PRTFDC1: variants seen among roughly 807,000 people sequenced by gnomAD.
The protein encoded by PRTFDC1 is phosphoribosyl transferase domain containing 1, also known as phosphoribosyltransferase domain-containing protein 1.
A neutral mutation model predicts 34.6 loss-of-function variants in PRTFDC1; 38 were observed. That is an observed-to-expected ratio of 1.10 (90% CI 0.85 to 1.44). The LOEUF is 1.44. Among genes scored for constraint, PRTFDC1 ranks in the 40% most tolerant of loss-of-function variants. The pLI is 0.00. For synonymous variants in PRTFDC1, 93 were observed against 98.1 expected (o/e 0.95, Z 0.31); for missense variants, 270 against 283.0 (o/e 0.95, Z 0.33).
intron 3 of PRTFDC1, among the ~76,000 whole-genome samples, chr10:24,936,013 T>A (rs919674343): frequency 2.6e-5 from 4 of 152,182 alleles, no homozygotes; most frequent in African/African-American, 9.7e-5. Flanking sequence ...ATTTCTGACC[T>A]ACAGAAACTT....
chr10:24,937,054 A>G (rs1564318615), intron 3 of PRTFDC1, 130 bp downstream of exon 3: 1 of 889,354 alleles, frequency 1.1e-6, no homozygotes, highest in Non-Finnish European at 1.7e-6. Context: ...ATTCTTGCAA[A>G]TTAAAATTAC....
At chr10:24,945,371 T>G (rs948681145) in intron 1 of PRTFDC1, among the ~76,000 whole-genome samples, 4 of 152,238 alleles carry the variant, frequency 2.6e-5, no homozygotes, top group African/African-American at 9.6e-5. Flanking sequence ...TGTCTCCTTG[T>G]GATAAAGAGC....
intron 3 of PRTFDC1, among the ~76,000 whole-genome samples, chr10:24,929,088 A>T (rs1848932995): frequency 6.7e-6 from 1 of 149,074 alleles, no homozygotes; most frequent in African/African-American, 2.5e-5. Flanking sequence ...GAGGCTTTCA[A>T]TTCCAGGCAC....
chr10:24,913,356 T>C (rs1245843916), intron 3 of PRTFDC1, among the ~76,000 whole-genome samples: 2 of 152,222 alleles, frequency 1.3e-5, no homozygotes, highest in Non-Finnish European at 2.9e-5. Flanking sequence ...TTTGGGTAAC[T>C]GCATCTGTAT....
At chr10:24,885,710 C>T (rs11817941) in intron 3 of PRTFDC1, among the ~76,000 whole-genome samples, 1,934 of 152,270 alleles carry the variant, frequency 0.013, 46 homozygotes, top group African/African-American at 0.044. Flanking sequence ...TGGCCAGCAG[C>T]TTTATTTGTA....
At chr10:24,874,298 A>G (rs933374908) in intron 3 of PRTFDC1, among the ~76,000 whole-genome samples, 1 of 152,162 alleles carries the variant, frequency 6.6e-6, no homozygotes, top group Non-Finnish European at 1.5e-5. Context: ...TTGTTCATAT[A>G]TCACCAGATA....
At chr10:24,903,369 T>C (rs1289039234) in intron 3 of PRTFDC1, among the ~76,000 whole-genome samples, 1 of 152,240 alleles carries the variant, frequency 6.6e-6, no homozygotes, top group Non-Finnish European at 1.5e-5. Context: ...TGTTAACTGG[T>C]AATGATTATA....
chr10:24,877,614 A>G (rs2132520052), intron 3 of PRTFDC1, among the ~76,000 whole-genome samples: 1 of 152,222 alleles, frequency 6.6e-6, no homozygotes, highest in Non-Finnish European at 1.5e-5. Context: ...AGAGCTCAGA[A>G]ATAGTTTCAT....
chr10:24,907,743 A>G (rs1443273567), intron 3 of PRTFDC1, among the ~76,000 whole-genome samples: 1 of 152,250 alleles, frequency 6.6e-6, no homozygotes, highest in African/African-American at 2.4e-5. Context: ...CTTCACTAAC[A>G]CTATTAAAGA....
Position 24,871,995 on chromosome 10 carries a change from A to C in PRTFDC1, c.405+3T>G. On this transcript the variant is annotated splice_donor_region_variant and intron_variant, in intron 4 of 8. Coordinates refer to ENST00000320152, the MANE Select transcript of PRTFDC1 (RefSeq NM_020200.7). ...CGGTCTGAGCACAGTTACATGAACA[A>C]ACCTTTCCAGCCAGCGTTGAAAGAT... The C allele has an allele frequency of 6.2e-7, 1 of 1,608,264 alleles. No individual in the cohort carries two copies. Among genetic ancestry groups the C allele is most frequent in the Admixed American group, 1.7e-5 (1 of 60,002 alleles).
chr10:24,872,022 A>G lies in PRTFDC1; in HGVS notation c.381T>C (p.Asp127=). 1 of 1,612,154 alleles carries G rather than the reference A, an allele frequency of 6.2e-7. No individual in the cohort carries two copies. The highest frequency in any genetic ancestry group is 8.5e-7 in the Non-Finnish European group (1 of 1,178,370). ...SMGEMQIIGG[D]DLSTLAGKNV... is the part of the protein sequence containing the mutation. ...CCTTTCCAGCCAGCGTTGAAAGATC[A>G]TCGCCTCCGATTATCTGCATCTCAC... Residue 127 remains aspartate (D), a synonymous_variant, in exon 4 of 9, where the codon GAT becomes GAC. Coordinates refer to ENST00000320152, the MANE Select transcript of PRTFDC1 (RefSeq NM_020200.7).
intron 3 of PRTFDC1, among the ~76,000 whole-genome samples, chr10:24,880,102 T>TC (rs1177826719): frequency 6.6e-6 from 1 of 152,148 alleles, no homozygotes; most frequent in African/African-American, 2.4e-5. Context: ...AAGAGTACAT[T>TC]CAGGGTTCCT....
intron 3 of PRTFDC1, among the ~76,000 whole-genome samples, chr10:24,905,042 C>T (rs1848509562): frequency 6.6e-6 from 1 of 151,992 alleles, no homozygotes; most frequent in South Asian, 2.1e-4. Flanking sequence ...TGTGGTGTCA[C>T]ATGCCTGTAA....
intron 3 of PRTFDC1, among the ~76,000 whole-genome samples, chr10:24,900,484 C>G (rs1848431539): frequency 6.6e-6 from 1 of 152,192 alleles, no homozygotes; most frequent in Non-Finnish European, 1.5e-5. Flanking sequence ...AAGTTATCCT[C>G]TTATTAACAG....
At chr10:24,872,810 T>A (rs866664356) in intron 3 of PRTFDC1, among the ~76,000 whole-genome samples, 6,067 of 89,094 alleles carry the variant, frequency 0.068, 338 homozygotes, top group African/African-American at 0.23. Context: ...ATATATATTT[T>A]TTTTTTTTTT....
intron 3 of PRTFDC1, among the ~76,000 whole-genome samples, chr10:24,877,109 T>C (rs967348262): frequency 3.9e-5 from 6 of 152,304 alleles, no homozygotes; most frequent in Admixed American, 1.3e-4. Context: ...TTCTCAGTGA[T>C]AGTCCCCTCC....
intron 2 of PRTFDC1, among the ~76,000 whole-genome samples, chr10:24,939,625 T>C (rs1457483466): frequency 6.6e-6 from 1 of 151,486 alleles, no homozygotes; most frequent in Non-Finnish European, 1.5e-5. Context: ...AAACCCCATC[T>C]CTACTAAAAA....
intron 3 of PRTFDC1, among the ~76,000 whole-genome samples, chr10:24,883,175 C>G (rs1848109665): frequency 6.7e-6 from 1 of 150,182 alleles, no homozygotes; most frequent in South Asian, 2.1e-4. Flanking sequence ...TACAATTTAG[C>G]TCATTTGAAA....
intron 4 of PRTFDC1, among the ~76,000 whole-genome samples, chr10:24,861,706 C>T (rs1332251752): frequency 1.3e-5 from 2 of 152,066 alleles, no homozygotes; most frequent in Admixed American, 6.6e-5. Context: ...TCATGTTTCA[C>T]ATAGCTATTT....
Sources: gnomAD v4.1 joint callset for allele counts (sites outside exome capture counted in the v4.1 genomes callset) on GRCh38, gnomAD v4.1.1 for gene constraint, MANE v1.5 for transcripts, NCBI Gene and HGNC (gene_info 2026-07-23, HGNC 2026-07-21) for gene names.